The following OR2L13 variants were observed in gnomAD, a reference collection of about 807,000 sequenced individuals.
The protein encoded by OR2L13 is olfactory receptor 2L13.
A neutral mutation model predicts 15.3 loss-of-function variants in OR2L13; 14 were observed. That is an observed-to-expected ratio of 0.91 (90% CI 0.60 to 1.43). The LOEUF (loss-of-function observed/expected upper bound fraction) is 1.43, where lower values mean the gene tolerates loss of function less well. Among genes scored for constraint, OR2L13 ranks in the 40% most tolerant of loss-of-function variants. The pLI, the probability that OR2L13 is intolerant of heterozygous loss-of-function variation, is 0.00. For missense variants in OR2L13, 367 were observed against 387.9 expected (o/e 0.95, Z 0.45); for synonymous variants, 152 against 142.9 (o/e 1.06, Z -0.45).
the OR2L13 span, among the ~76,000 whole-genome samples, chr1:248,080,066 G>A: frequency 3.9e-5 from 6 of 151,968 alleles, no homozygotes; most frequent in Non-Finnish European, 2.9e-5. Flanking sequence ...TGAAGGTATC[G>A]ACTTGGAAGA....
the OR2L13 span, among the ~76,000 whole-genome samples, chr1:248,015,494 G>A: frequency 3.5e-4 from 53 of 152,180 alleles, no homozygotes; most frequent in African/African-American, 1.1e-3. Context: ...GCTGACTTAC[G>A]AAGTCAATGA....
chr1:247,998,403 C>A, the OR2L13 span, among the ~76,000 whole-genome samples: 2 of 152,032 alleles, frequency 1.3e-5, no homozygotes, highest in Non-Finnish European at 2.9e-5. Context: ...TTGTAGGGGG[C>A]AACATTTCCT....
chr1:247,965,330 A>G, the OR2L13 span: 5 of 1,549,620 alleles, frequency 3.2e-6, no homozygotes, highest in Non-Finnish European at 3.5e-6. Flanking sequence ...CAACATTATT[A>G]CATGAACATT....
At chr1:248,094,581 C>T (rs547236016), upstream of OR2L13, among the ~76,000 whole-genome samples, 2 of 152,330 alleles carry the variant, frequency 1.3e-5, no homozygotes, top group South Asian at 4.1e-4. Flanking sequence ...CTAGAGTATT[C>T]TCTCTGACTC....
chr1:247,946,764 C>T, the OR2L13 span, among the ~76,000 whole-genome samples: 14 of 152,178 alleles, frequency 9.2e-5, no homozygotes, highest in Non-Finnish European at 1.3e-4. Context: ...CCTTACCCTT[C>T]TCCCATTGTC....
At chr1:247,982,441 A>G in the OR2L13 span, among the ~76,000 whole-genome samples, 8 of 152,348 alleles carry the variant, frequency 5.3e-5, no homozygotes, top group South Asian at 1.7e-3. Flanking sequence ...TTTCAACTCT[A>G]AATTGAAGGA....
At chr1:247,996,498 T>C in the OR2L13 span, among the ~76,000 whole-genome samples, 4 of 152,238 alleles carry the variant, frequency 2.6e-5, no homozygotes, top group African/African-American at 9.6e-5. Context: ...AACCAAGTTG[T>C]GGCCTACTCT....
the OR2L13 span, among the ~76,000 whole-genome samples, chr1:247,951,977 G>A: frequency 1.3e-5 from 2 of 152,022 alleles, no homozygotes; most frequent in Admixed American, 1.3e-4. Context: ...GTGTGTTTGT[G>A]TGTGTGTGTG....
the OR2L13 span, among the ~76,000 whole-genome samples, chr1:247,943,547 C>T: frequency 6.6e-6 from 1 of 152,040 alleles, no homozygotes; most frequent in African/African-American, 2.4e-5. Flanking sequence ...TCCAGATTTA[C>T]AATAATTTGA....
At chr1:247,938,683 CAT>C in the OR2L13 span, among the ~76,000 whole-genome samples, 2 of 152,070 alleles carry the variant, frequency 1.3e-5, no homozygotes, top group Non-Finnish European at 2.9e-5. Flanking sequence ...GACACACACA[CAT>C]ATATTTTTCT....
At chr1:248,047,261 A>G in the OR2L13 span, among the ~76,000 whole-genome samples, 1 of 152,072 alleles carries the variant, frequency 6.6e-6, no homozygotes, top group African/African-American at 2.4e-5. Context: ...TTTTGGTTTG[A>G]TTTCTTTTGC....
the OR2L13 span, among the ~76,000 whole-genome samples, chr1:247,941,797 A>G: frequency 5.6e-4 from 85 of 152,298 alleles, no homozygotes; most frequent in African/African-American, 2.0e-3. Context: ...ATTAATGAAT[A>G]CAATGTGTGG....
the OR2L13 span, among the ~76,000 whole-genome samples, chr1:247,998,601 C>T: frequency 6.6e-6 from 1 of 151,970 alleles, no homozygotes; most frequent in Non-Finnish European, 1.5e-5. Context: ...TGCATAAAAA[C>T]GTTAAAAGGG....
the OR2L13 span, chr1:247,949,643 A>G: frequency 1.2e-6 from 2 of 1,613,764 alleles, no homozygotes; most frequent in African/African-American, 1.3e-5. Context: ...TACGTCCAAG[A>G]TCCCTGCGAT....
chr1:247,956,947 G>C, the OR2L13 span, among the ~76,000 whole-genome samples: 3 of 152,024 alleles, frequency 2.0e-5, no homozygotes, highest in Non-Finnish European at 4.4e-5. Context: ...TCCTTCTCCT[G>C]CCTGATTGCC....
chr1:247,978,840 C>T, the OR2L13 span, among the ~76,000 whole-genome samples: 17 of 151,742 alleles, frequency 1.1e-4, no homozygotes, highest in Non-Finnish European at 2.4e-4. Context: ...CCACTCGGAC[C>T]TGTCTACTCT....
At chr1:247,938,706 T>C in the OR2L13 span, among the ~76,000 whole-genome samples, 1 of 151,572 alleles carries the variant, frequency 6.6e-6, no homozygotes, top group Non-Finnish European at 1.5e-5. Context: ...TAATAAAGAG[T>C]GTAAAGAGCA....
chr1:247,947,253 AC>A, the OR2L13 span, among the ~76,000 whole-genome samples: 1 of 152,204 alleles, frequency 6.6e-6, no homozygotes, highest in Non-Finnish European at 1.5e-5. Flanking sequence ...ATCACAAAAA[AC>A]TATTCTTTCT....
chr1:248,062,909 G>T, the OR2L13 span: 1 of 152,084 alleles, frequency 6.6e-6, no homozygotes, highest in Non-Finnish European at 1.5e-5. Context: ...GTTCACTGTA[G>T]ATATATGGAT....
Sources: gnomAD v4.1 joint callset for allele counts (sites outside exome capture counted in the v4.1 genomes callset) on GRCh38, gnomAD v4.1.1 for gene constraint, MANE v1.5 for transcripts, NCBI Gene and HGNC (gene_info 2026-07-23, HGNC 2026-07-21) for gene names.